The following ICA1L variants were observed in gnomAD, a reference collection of about 807,000 sequenced individuals.
The protein encoded by ICA1L is islet cell autoantigen 1 like.
Under a neutral mutation model 61.3 loss-of-function variants are expected in ICA1L, and 50 were observed. The ratio of observed to expected loss-of-function variants is 0.82; its 90% CI spans 0.65 to 1.03. The LOEUF is 1.03. ICA1L is among the 50% of genes least tolerant of loss of function. The pLI, the probability that ICA1L is intolerant of heterozygous loss-of-function variation, is 0.00. For missense variants in ICA1L, 508 were observed against 556.7 expected (o/e 0.91, Z 0.88); for synonymous variants, 161 against 191.3 (o/e 0.84, Z 1.31).
At chr2:202,847,176 C>A (rs1316830836) in intron 1 of ICA1L, among the ~76,000 whole-genome samples, 1 of 152,152 alleles carries the variant, frequency 6.6e-6, no homozygotes, top group Admixed American at 6.5e-5. Flanking sequence ...ATATTCCAGA[C>A]ATAATCTAAT....
chr2:202,821,143 A>G (rs867921882), intron 4 of ICA1L, among the ~76,000 whole-genome samples: 1 of 152,240 alleles, frequency 6.6e-6, no homozygotes. Flanking sequence ...GGTTATTTCT[A>G]GAAATTAAGC....
Position 202,816,011 on chromosome 2 carries a change from T to C in ICA1L, c.685-2A>G. On this transcript the variant is annotated splice_acceptor_variant, in intron 6 of 12. Transcript: ENST00000358299. LOFTEE classifies it high-confidence loss of function. ...CTTCCAGAATCCAAGCAGTGTTCTC[T>C]GCAAAAAAAGAAAAGGTGACACTAC... 1 of 1,582,490 alleles carries C rather than the reference T, an allele frequency of 6.3e-7. No individual in the cohort carries two copies. The highest frequency in any genetic ancestry group is 8.6e-7 in the Non-Finnish European group (1 of 1,166,928).
chr2:202,786,926 A>G (rs1445162410), intron 11 of ICA1L, among the ~76,000 whole-genome samples: 1 of 152,206 alleles, frequency 6.6e-6, no homozygotes, highest in African/African-American at 2.4e-5. Flanking sequence ...CATTTATGCT[A>G]TGATTAAGGC....
Position 202,785,989 on chromosome 2 carries a change from T to A in ICA1L, c.1262A>T (p.Glu421Val). ...GAFNNWVSQE[E>V]SELCLSHTDN... ...AGTGTGTGAAAGACAAAGTTCTGAT[T>A]CCTCTTGGGAGACCCAGTCTGGGAT... The change falls in exon 12 of 13, where the codon GAA becomes GTA. Residue 421 changes from glutamate (E) to valine (V), a missense_variant. Physicochemically the swap from Glu to Val is moderately radical, Grantham distance 121 (BLOSUM62 -2). Transcript: ENST00000358299. 6.2e-7 allele frequency: 1 copy of A among 1,606,814 alleles called. No individual in the cohort carries two copies. The highest frequency in any genetic ancestry group is 8.5e-7 in the Non-Finnish European group (1 of 1,174,406).
chr2:202,854,650 C>T (rs761805762), intron 1 of ICA1L, among the ~76,000 whole-genome samples: 19 of 152,208 alleles, frequency 1.2e-4, no homozygotes, highest in Non-Finnish European at 2.2e-4. Flanking sequence ...AAGTAAAACA[C>T]TCCTCAGCAA....
At chr2:202,800,334 C>T (rs947327280) in intron 9 of ICA1L, among the ~76,000 whole-genome samples, 8 of 152,134 alleles carry the variant, frequency 5.3e-5, no homozygotes, top group Non-Finnish European at 1.0e-4. Flanking sequence ...CAAAACAGCG[C>T]TGTCTTGTGT....
At chr2:202,834,067 C>T (rs1559142212) in intron 1 of ICA1L, among the ~76,000 whole-genome samples, 2 of 151,746 alleles carry the variant, frequency 1.3e-5, no homozygotes, top group Admixed American at 6.6e-5. Context: ...GTTCTTACCA[C>T]AAAAAAAGAT....
At chr2:202,785,565 G>A (rs566515780) in intron 12 of ICA1L, among the ~76,000 whole-genome samples, 1 of 152,220 alleles carries the variant, frequency 6.6e-6, no homozygotes, top group South Asian at 2.1e-4. Flanking sequence ...GACTACAGGT[G>A]CCCGCCACCA....
intron 1 of ICA1L, among the ~76,000 whole-genome samples, chr2:202,869,070 CTGAG>C (rs997913447): frequency 3.3e-5 from 5 of 150,576 alleles, no homozygotes; most frequent in Non-Finnish European, 7.4e-5. Context: ...TAAAATAATA[CTGAG>C]TGAGGCCAGG....
In ICA1L at chr2:202,778,478, C is replaced by T. The variant is rs148892370; in HGVS notation, c.*1055G>A. 2.0e-5 allele frequency: 3 copies of T among 152,268 alleles called. No homozygotes were observed. The highest frequency in any genetic ancestry group is 4.4e-5 in the Non-Finnish European group (3 of 68,006). The allele number at this position is 152,268 out of a possible 1,614,324, so 9.4% of individuals were successfully genotyped here. On this transcript the variant is annotated 3_prime_UTR_variant, in exon 13 of 13. Transcript: ENST00000358299. ...AAGAGGGAAGTAGAAAAATGAGACACTCCCTTATTGATCACACAGAGCTTT... is the reference window on the plus strand; with the variant it reads ...AAGAGGGAAGTAGAAAAATGAGACATTCCCTTATTGATCACACAGAGCTTT...
At chr2:202,786,272 C>T (rs560723170) in intron 11 of ICA1L, among the ~76,000 whole-genome samples, 33 of 152,262 alleles carry the variant, frequency 2.2e-4, no homozygotes, top group East Asian at 1.9e-3. Flanking sequence ...TGAGGCCGGG[C>T]GCGGTGGCTC....
At chr2:202,808,158 C>T (rs977469175) in intron 9 of ICA1L, among the ~76,000 whole-genome samples, 1 of 152,076 alleles carries the variant, frequency 6.6e-6, no homozygotes, top group Non-Finnish European at 1.5e-5. Flanking sequence ...GGGTAGAGAA[C>T]CAAGAAGTCA....
intron 1 of ICA1L, among the ~76,000 whole-genome samples, chr2:202,831,884 A>G (rs4675297): frequency 0.33 from 50,855 of 151,934 alleles, 9,255 homozygotes; most frequent in East Asian, 0.61. Context: ...GACATATCAG[A>G]TAACAGAGTT....
At chr2:202,847,412 T>G (rs995442346) in intron 1 of ICA1L, among the ~76,000 whole-genome samples, 2 of 152,140 alleles carry the variant, frequency 1.3e-5, no homozygotes, top group Non-Finnish European at 2.9e-5. Flanking sequence ...AAAACTGTAG[T>G]AATAAAAAAT....
At chr2:202,841,343 G>A in intron 1 of ICA1L, 1 of 800,716 alleles carries the variant, frequency 1.2e-6, no homozygotes, top group Non-Finnish European at 2.2e-6. Context: ...GCTGCTTAAG[G>A]CTGTTGATGT....
In ICA1L at chr2:202,775,686, T is replaced by C. The variant is rs983630111; in HGVS notation, c.*3847A>G. 2 of 152,158 alleles carry C rather than the reference T, an allele frequency of 1.3e-5. No individual in the cohort carries two copies. Among genetic ancestry groups the C allele is most frequent in the African/African-American group, 4.8e-5 (2 of 41,436 alleles). 9.4% of individuals were successfully genotyped at this position (152,158 alleles called of 1,614,324 possible). ...GGCATCTGCCACCATGCCCAGCTAA[T>C]TTTTATATTTTTCATAGAGATGGGG... On this transcript the variant is annotated 3_prime_UTR_variant, in exon 13 of 13. Transcript: ENST00000358299.
At chr2:202,828,743 T>C in intron 2 of ICA1L, 105 bp downstream of exon 2, 1 of 859,530 alleles carries the variant, frequency 1.2e-6, no homozygotes, top group Admixed American at 2.2e-5. Context: ...TTATCAAATT[T>C]GCATTTATCC....
chr2:202,778,918 A>G lies in ICA1L; in HGVS notation c.*615T>C, dbSNP rs1270372784. 2 of 152,638 alleles carry G rather than the reference A, an allele frequency of 1.3e-5. No homozygotes were observed. The highest frequency in any genetic ancestry group is 2.4e-5 in the African/African-American group (1 of 41,456). The allele number at this position is 152,638 out of a possible 1,614,324, so 9.5% of individuals were successfully genotyped here. On this transcript the variant is annotated 3_prime_UTR_variant, in exon 13 of 13. Transcript: ENST00000358299. ...GTGTCCATTATTTTGTATGAATGAAAAAACATTACATTTTAGCCTCCAAAT... is the reference window on the plus strand; with the variant it reads ...GTGTCCATTATTTTGTATGAATGAAGAAACATTACATTTTAGCCTCCAAAT...
rs752007521 is a variant in ICA1L at position 202,780,330 on chromosome 2, C to T, written c.1334-682G>A. Reference sequence around the variant, plus strand: ...GTGCACTTTAAAACTTTTTGATGTGCGCATTTTACAGTATGCATTTTATCT... The same window carrying T: ...GTGCACTTTAAAACTTTTTGATGTGTGCATTTTACAGTATGCATTTTATCT... On this transcript the variant is annotated intron_variant, in intron 12 of 12. Transcript: ENST00000358299. Among the ~76,000 whole-genome samples the T allele has an allele frequency of 7.9e-5, 12 of 152,290 alleles. No individual in the cohort carries two copies. The South Asian group carries it at 1.0e-3, about 13-fold the overall frequency.
Sources: gnomAD v4.1 joint callset for allele counts (sites outside exome capture counted in the v4.1 genomes callset) on GRCh38, gnomAD v4.1.1 for gene constraint, MANE v1.5 for transcripts, NCBI Gene and HGNC (gene_info 2026-07-23, HGNC 2026-07-21) for gene names.